AKR1C4: variants seen among roughly 807,000 people sequenced by gnomAD.
AKR1C4 encodes the protein 3-alpha-HSD1.
AKR1C4 carries 44 observed loss-of-function variants against 41.0 expected under a neutral mutation model. The observed-to-expected ratio is 1.07, with a 90% CI of 0.84 to 1.38. AKR1C4 has a LOEUF of 1.38. Among genes scored for constraint, AKR1C4 ranks in the 40% most tolerant of loss-of-function variants. The pLI is 0.00. For missense variants in AKR1C4, 438 were observed against 387.9 expected, an observed-to-expected ratio of 1.13 and a Z score of -1.09; for synonymous variants, 165 against 137.7, an observed-to-expected ratio of 1.20 and a Z score of -1.39.
At position 5,206,287 on chromosome 10, in the gene AKR1C4, T is replaced by A; in HGVS notation, c.460T>A (p.Cys154Ser). ...CCTTTCTCCCCAGGTCATGGAGAAG[T>A]GTAAGGATGCAGGATTGGCCAAGTC... is the stretch of plus-strand genomic sequence containing the variant. ...LSATWEVMEKCKDAGLAKSIG... is the reference protein window; with the variant it reads ...LSATWEVMEKSKDAGLAKSIG... Residue 154 changes from cysteine (C) to serine (S), a missense_variant, in exon 5 of 9, where the codon TGT becomes AGT. Cys to Ser is a moderately radical substitution (Grantham distance 112). Transcript: ENST00000263126. The A allele has an allele frequency of 6.2e-7, 1 of 1,614,020 alleles. No homozygotes were observed. The highest frequency in any genetic ancestry group is 8.5e-7 in the Non-Finnish European group (1 of 1,179,958).
intron 1 of AKR1C4, 142 bp from the exon 2 acceptor site, chr10:5,200,039 C>T: frequency 1.9e-6 from 2 of 1,025,960 alleles, no homozygotes; most frequent in Non-Finnish European, 2.8e-6. Flanking sequence ...TCTGTATGCT[C>T]CCCTAGAGGT....
rs782668264 is a variant in AKR1C4 at position 5,205,747 on chromosome 10, T to G, written c.370-10T>G. On this transcript the variant is annotated splice_polypyrimidine_tract_variant and intron_variant, in intron 3 of 8. Coordinates refer to ENST00000263126, the MANE Select transcript of AKR1C4 (RefSeq NM_001818.5). ...AAATGGTGACACTAAAGTGACTGCT[T>G]CTACTTCAGCCAGGTGAGACGCCAC... is the stretch of plus-strand genomic sequence containing the variant. 1 of 1,612,244 alleles carries G rather than the reference T, an allele frequency of 6.2e-7. No individual in the cohort carries two copies. The highest frequency in any genetic ancestry group is 1.1e-5 in the South Asian group (1 of 90,908).
intron 7 of AKR1C4, 138 bp from the exon 8 acceptor site, chr10:5,216,573 G>C: frequency 1.6e-6 from 1 of 608,992 alleles, no homozygotes; most frequent in Non-Finnish European, 2.9e-6. Flanking sequence ...TGAGAGTTTA[G>C]AGATGGTCTT....
At position 5,205,667 on chromosome 10, in the gene AKR1C4, C is replaced by T. The variant is rs543301288; in HGVS notation, c.370-90C>T. ...CTAGAACATTTCAGCACCTACCTCA[C>T]GGTGGATTATTATCCTAAAATGTAC... On this transcript the variant is annotated intron_variant, in intron 3 of 8. Coordinates refer to ENST00000263126, the MANE Select transcript of AKR1C4 (RefSeq NM_001818.5). 6.6e-5 allele frequency: 74 copies of T among 1,113,656 alleles called. No individual in the cohort carries two copies. The South Asian group carries it at 7.5e-4, about 11-fold the overall frequency. 69.0% of individuals were successfully genotyped at this position (1,113,656 alleles called of 1,614,324 possible).
intron 7 of AKR1C4, among the ~76,000 whole-genome samples, chr10:5,214,690 G>C (rs1223849877): frequency 3.3e-5 from 5 of 151,318 alleles, no homozygotes; most frequent in Admixed American, 2.6e-4. Context: ...AACTTTTTTT[G>C]AGAATTTTCT....
At chr10:5,218,020 A>G (rs1554798746) in intron 8 of AKR1C4, among the ~76,000 whole-genome samples, 1 of 152,274 alleles carries the variant, frequency 6.6e-6, no homozygotes, top group African/African-American at 2.4e-5. Context: ...TATCTTTATT[A>G]GTTTAGAGGA....
In AKR1C4 at chr10:5,204,846, G is replaced by T. The variant is rs527523453; in HGVS notation, c.369+353G>T. Among the ~76,000 whole-genome samples, 14 of 152,276 alleles carry T rather than the reference G, an allele frequency of 9.2e-5. No homozygotes were observed. In the South Asian group the frequency reaches 2.5e-3, roughly 27 times the overall value. ...CCCCAAAAAAACTGCTGCACATGTG[G>T]TGTACAGTGAGTTTCCATTATCTTT... On this transcript the variant is annotated intron_variant, in intron 3 of 8. Transcript: ENST00000263126.
At chr10:5,202,485 T>C (rs1554797010) in intron 2 of AKR1C4, 2 of 455,856 alleles carry the variant, frequency 4.4e-6, no homozygotes, top group Non-Finnish European at 8.8e-6. Context: ...CCAATTTGGA[T>C]TCCCTTTATT....
intron 3 of AKR1C4, 184 bp downstream of exon 3, chr10:5,204,677 G>A (rs1554797288): frequency 4.0e-6 from 3 of 746,368 alleles, no homozygotes; most frequent in East Asian, 2.5e-5. Flanking sequence ...GATGACAAGA[G>A]AAGACAGTAC....
chr10:5,205,863 AAGGAAGACAAGAAG>A (rs1554797431), intron 4 of AKR1C4, 29 bp downstream of exon 4: 1 of 1,595,222 alleles, frequency 6.3e-7, no homozygotes, highest in South Asian at 1.1e-5. Context: ...GAGTACAGAA[AAGGAAGACAAGAAG>A]AGGTAAACCT....
rs1263816328 is a variant in AKR1C4 at position 5,205,852 on chromosome 10, A to G, written c.447+18A>G. On this transcript the variant is annotated intron_variant, in intron 4 of 8. Transcript: ENST00000263126. ...CATGGGAGGTGAGTGCTTGGAGGAC[A>G]GAGTACAGAAAAGGAAGACAAGAAG... 1.2e-6 allele frequency: 2 copies of G among 1,606,752 alleles called. No homozygotes were observed. Among genetic ancestry groups the G allele is most frequent in the Non-Finnish European group, 1.7e-6 (2 of 1,175,462 alleles).
In AKR1C4 at chr10:5,196,901, G is replaced by T; in HGVS notation, c.34G>T (p.Asp12Tyr). The change falls in exon 1 of 9, where the codon GAT becomes TAT. Residue 12 changes from aspartate to tyrosine, a missense_variant. Transcript: ENST00000263126. ...DPKYQRVELN[D>Y]GHFMPVLGFG... is the part of the protein sequence containing the mutation. ...CAAATATCAGCGTGTAGAGCTAAAT[G>T]ATGGTCACTTCATGCCCGTATTGGG... 1 of 1,614,138 alleles carries T rather than the reference G, an allele frequency of 6.2e-7. No individual in the cohort carries two copies. The highest frequency in any genetic ancestry group is 8.5e-7 in the Non-Finnish European group (1 of 1,179,980).
chr10:5,214,965 CTT>C (rs573420000), intron 7 of AKR1C4, among the ~76,000 whole-genome samples: 35 of 152,168 alleles, frequency 2.3e-4, no homozygotes, highest in Non-Finnish European at 3.8e-4. Flanking sequence ...CAATTACTGT[CTT>C]GAATTTTATT....
At position 5,206,271 on chromosome 10, in the gene AKR1C4, C is replaced by A. The variant is rs1832483507; in HGVS notation, c.448-4C>A. The A allele has an allele frequency of 6.2e-7, 1 of 1,613,990 alleles. No individual in the cohort carries two copies. The highest frequency in any genetic ancestry group is 8.5e-7 in the Non-Finnish European group (1 of 1,179,922). ...ATAATTCCTCACAACCCCTTTCTCC[C>A]CAGGTCATGGAGAAGTGTAAGGATG... On this transcript the variant is annotated splice_region_variant and splice_polypyrimidine_tract_variant and intron_variant, in intron 4 of 8. Coordinates refer to ENST00000263126, the MANE Select transcript of AKR1C4 (RefSeq NM_001818.5).
In AKR1C4 at chr10:5,213,033, T is replaced by C. The variant is rs782247042; in HGVS notation, c.720T>C (p.Val240=). Residue 240 remains valine, a synonymous_variant, in exon 7 of 9, where the codon GTT becomes GTC. Coordinates refer to ENST00000263126, the MANE Select transcript of AKR1C4 (RefSeq NM_001818.5). ...CCCCAGTTCTTTTGGAGGACCCAGT[T>C]CTTTGTGCCTTAGCAAAGAAACACA... ...PNSPVLLEDP[V]LCALAKKHKQ... 1.2e-6 allele frequency: 2 copies of C among 1,614,146 alleles called. No individual in the cohort carries two copies. The highest frequency in any genetic ancestry group is 3.3e-5 in the Admixed American group (2 of 60,024).
intron 7 of AKR1C4, among the ~76,000 whole-genome samples, chr10:5,215,055 C>T (rs940687583): frequency 1.5e-4 from 23 of 152,112 alleles, no homozygotes; most frequent in Admixed American, 6.6e-5. Flanking sequence ...TTCAGTATTT[C>T]TACATCTGAT....
chr10:5,201,953 T>C (rs1832405775), intron 2 of AKR1C4, among the ~76,000 whole-genome samples: 2 of 152,244 alleles, frequency 1.3e-5, no homozygotes, highest in African/African-American at 2.4e-5. Flanking sequence ...TCTGTTTCAT[T>C]GATCTAAGTG....
intron 2 of AKR1C4, among the ~76,000 whole-genome samples, chr10:5,203,848 T>C (rs1832441561): frequency 6.6e-6 from 1 of 152,218 alleles, no homozygotes; most frequent in African/African-American, 2.4e-5. Flanking sequence ...TTAGTTTTTC[T>C]TATGTCTGGG....
chr10:5,217,383 G>C (rs782241666), intron 8 of AKR1C4, among the ~76,000 whole-genome samples: 1 of 152,158 alleles, frequency 6.6e-6, no homozygotes, highest in Non-Finnish European at 1.5e-5. Flanking sequence ...CCCTTAGTAG[G>C]CAATAGAACT....
Sources: allele counts gnomAD v4.1 joint callset (sites outside exome capture counted in the v4.1 genomes callset), GRCh38; gene constraint gnomAD v4.1.1; transcripts MANE v1.5; gene names NCBI Gene and HGNC (gene_info 2026-07-23, HGNC 2026-07-21).